PCDHA6: variants seen among roughly 807,000 people sequenced by gnomAD.
PCDHA6 encodes protocadherin alpha 6.
A neutral mutation model predicts 60.3 loss-of-function variants in PCDHA6; 55 were observed. The ratio of observed to expected loss-of-function variants is 0.91; its 90% CI spans 0.73 to 1.14. PCDHA6 has a LOEUF of 1.14. PCDHA6 is among the 50% of genes most tolerant of loss of function. The pLI is 0.00. For synonymous variants in PCDHA6, 652 were observed against 557.9 expected, an observed-to-expected ratio of 1.17 and a Z score of -2.38; for missense variants, 1,327 against 1,256.5, an observed-to-expected ratio of 1.06 and a Z score of -0.85.
intron 1 of PCDHA6, among the ~76,000 whole-genome samples, chr5:140,950,508 C>T (rs1442075303): frequency 6.6e-6 from 1 of 152,016 alleles, no homozygotes; most frequent in African/African-American, 2.4e-5. Context: ...TCATTATTCC[C>T]TGTGTGCGAT....
chr5:140,906,761 A>G (rs896512633), intron 1 of PCDHA6, among the ~76,000 whole-genome samples: 2 of 152,204 alleles, frequency 1.3e-5, no homozygotes, highest in Non-Finnish European at 2.9e-5. Flanking sequence ...GGTAATACTA[A>G]GAGACACCCT....
intron 1 of PCDHA6, chr5:140,876,827 C>T (rs1554168978): frequency 6.2e-7 from 1 of 1,614,182 alleles, no homozygotes; most frequent in Admixed American, 1.7e-5. Context: ...AACGACAATG[C>T]GCCTGCGTTC....
intron 1 of PCDHA6, among the ~76,000 whole-genome samples, chr5:140,907,826 C>T (rs1448630927): frequency 6.6e-6 from 1 of 152,192 alleles, no homozygotes; most frequent in Non-Finnish European, 1.5e-5. Context: ...TCATCCTATC[C>T]ACTTGTTTAT....
Position 140,829,736 on chromosome 5 carries a change from G to T in PCDHA6, c.1645G>T (p.Val549Leu), listed in dbSNP as rs2150173634. 1.2e-6 allele frequency: 2 copies of T among 1,613,682 alleles called. No individual in the cohort carries two copies. Among genetic ancestry groups the T allele is most frequent in the South Asian group, 1.1e-5 (1 of 91,072 alleles). ...DAGVPPLGSN[V>L]TLQVFVLDEN... ...GGGCGTGCCGCCTCTGGGCAGCAAC[G>T]TGACGCTGCAGGTGTTCGTGCTGGA... The change falls in exon 1 of 4, where the codon GTG becomes TTG. Residue 549 changes from valine to leucine, a missense_variant. By Grantham distance (32) the Val-to-Leu change is conservative (BLOSUM62 1). Coordinates refer to ENST00000529310, the MANE Select transcript of PCDHA6 (RefSeq NM_018909.4).
chr5:140,874,521 T>C (rs571924676), intron 1 of PCDHA6, among the ~76,000 whole-genome samples: 4 of 152,358 alleles, frequency 2.6e-5, no homozygotes, highest in African/African-American at 9.6e-5. Flanking sequence ...CTTTAGTCAA[T>C]GAGATTAGGC....
intron 1 of PCDHA6, among the ~76,000 whole-genome samples, chr5:140,953,778 A>T (rs782648195): frequency 2.0e-5 from 3 of 151,986 alleles, no homozygotes; most frequent in Non-Finnish European, 2.9e-5. Context: ...ATATTTATTT[A>T]TTTTTTTCTT....
intron 1 of PCDHA6, among the ~76,000 whole-genome samples, chr5:140,879,397 G>A (rs973374921): frequency 6.6e-6 from 1 of 152,188 alleles, no homozygotes; most frequent in Non-Finnish European, 1.5e-5. Context: ...AACAGTTTGT[G>A]TGTATTTGAG....
chr5:140,876,313 A>T, intron 1 of PCDHA6: 1 of 1,614,022 alleles, frequency 6.2e-7, no homozygotes, highest in East Asian at 2.2e-5. Flanking sequence ...TTCCTATGGG[A>T]TCAAAATGAT....
At chr5:140,909,624 G>A (rs2074611325) in intron 1 of PCDHA6, among the ~76,000 whole-genome samples, 1 of 152,092 alleles carries the variant, frequency 6.6e-6, no homozygotes, top group African/African-American at 2.4e-5. Context: ...GCTCTAATTG[G>A]TCTTCCTATT....
rs782395968 is a variant in PCDHA6, at chr5:141,011,916, A to G, written c.*1979A>G. ...TATTATCTATTTAGGCATTAATATA[A>G]AAGAGGTAGGAGTCTGTTATTTAAA... On this transcript the variant is annotated 3_prime_UTR_variant, in exon 4 of 4. Coordinates refer to ENST00000529310, the MANE Select transcript of PCDHA6 (RefSeq NM_018909.4). 4 of 153,828 alleles carry G rather than the reference A, an allele frequency of 2.6e-5. No individual in the cohort carries two copies. The highest frequency in any genetic ancestry group is 4.4e-5 in the Non-Finnish European group (3 of 68,030). 9.5% of individuals were successfully genotyped at this position (153,828 alleles called of 1,614,324 possible). A position where few individuals can be genotyped will look rare whatever the true frequency, so the allele number is the denominator to read the frequency against.
At chr5:140,987,045 C>G (rs1344958949) in intron 3 of PCDHA6, among the ~76,000 whole-genome samples, 1 of 151,982 alleles carries the variant, frequency 6.6e-6, no homozygotes, top group Non-Finnish European at 1.5e-5. Flanking sequence ...GAAACCCCAT[C>G]TCTACTAAAG....
At chr5:140,934,511 T>C (rs999288213) in intron 1 of PCDHA6, among the ~76,000 whole-genome samples, 1 of 152,210 alleles carries the variant, frequency 6.6e-6, no homozygotes, top group East Asian at 1.9e-4. Context: ...AAAGGGTCCA[T>C]AGACCACACT....
chr5:140,876,469 C>T, intron 1 of PCDHA6: 1 of 1,613,956 alleles, frequency 6.2e-7, no homozygotes. Context: ...CATGGCAGGT[C>T]ACAGCATGGT....
chr5:141,002,195 A>G (rs2098065094), intron 3 of PCDHA6, among the ~76,000 whole-genome samples: 1 of 152,244 alleles, frequency 6.6e-6, no homozygotes, highest in South Asian at 2.1e-4. Flanking sequence ...CTGGCAAGAT[A>G]GTCCCCGGCT....
intron 3 of PCDHA6, among the ~76,000 whole-genome samples, chr5:141,007,295 A>G (rs181235064): frequency 1.6e-3 from 250 of 151,912 alleles, no homozygotes; most frequent in Non-Finnish European, 2.9e-3. Context: ...TCATGCCTGT[A>G]ATCTTAGCAT....
At chr5:140,944,809 A>G (rs2093698274) in intron 1 of PCDHA6, among the ~76,000 whole-genome samples, 1 of 152,220 alleles carries the variant, frequency 6.6e-6, no homozygotes, top group African/African-American at 2.4e-5. Flanking sequence ...GAGGGTCCAC[A>G]GTGATCTTTG....
At chr5:140,893,881 C>T (rs1385683702) in intron 1 of PCDHA6, among the ~76,000 whole-genome samples, 1 of 152,066 alleles carries the variant, frequency 6.6e-6, no homozygotes, top group Non-Finnish European at 1.5e-5. Flanking sequence ...TCCAAAGTGG[C>T]CAGAAAGTTA....
At chr5:140,962,667 C>T (rs576054969) in intron 1 of PCDHA6, among the ~76,000 whole-genome samples, 1 of 152,272 alleles carries the variant, frequency 6.6e-6, no homozygotes, top group East Asian at 1.9e-4. Flanking sequence ...TTCATCTTCC[C>T]ATCCACTGGA....
At position 140,830,077 on chromosome 5, in the gene PCDHA6, G is replaced by C; in HGVS notation, c.1986G>C (p.Thr662=). Residue 662 remains threonine, a synonymous_variant, in exon 1 of 4, where the codon ACG becomes ACC. Coordinates refer to ENST00000529310, the MANE Select transcript of PCDHA6 (RefSeq NM_018909.4). ...ACGGTGAGCCGGCGCTGACAGCGAC[G>C]GCCACGGTTCTGGTGTCGCTGGTGG... ...KDHGEPALTA[T]ATVLVSLVES... is the part of the protein sequence containing the mutation. The C allele has an allele frequency of 3.1e-6, 5 of 1,613,664 alleles. No individual in the cohort carries two copies. The highest frequency in any genetic ancestry group is 4.2e-6 in the Non-Finnish European group (5 of 1,179,876).
Sources: allele counts gnomAD v4.1 joint callset (sites outside exome capture counted in the v4.1 genomes callset), GRCh38; gene constraint gnomAD v4.1.1; transcripts MANE v1.5; gene names NCBI Gene and HGNC (gene_info 2026-07-23, HGNC 2026-07-21).